The following RHOBTB3 variants were observed in gnomAD, a reference collection of about 807,000 sequenced individuals.
RHOBTB3 encodes the protein Rho related BTB domain containing 3, also known as rho-related BTB domain-containing protein 3.
A neutral mutation model predicts 67.2 loss-of-function variants in RHOBTB3; 47 were observed. The observed-to-expected ratio is 0.70, with a 90% CI of 0.55 to 0.89. The LOEUF (loss-of-function observed/expected upper bound fraction) is 0.89. RHOBTB3 is among the 40% of genes least tolerant of loss of function. The pLI is 0.00. For missense variants in RHOBTB3, 631 were observed against 750.0 expected (o/e 0.84, Z 1.85); for synonymous variants, 273 against 274.2 (o/e 1.00, Z 0.04).
At chr5:95,782,018 A>G (rs1265422064) in intron 9 of RHOBTB3, 1 of 152,256 alleles carries the variant, frequency 6.6e-6, no homozygotes, top group Non-Finnish European at 1.5e-5. Flanking sequence ...CTCTCACTCA[A>G]GTAATTGAAG....
intron 1 of RHOBTB3, among the ~76,000 whole-genome samples, chr5:95,723,833 C>T (rs72783432): frequency 0.022 from 3,394 of 152,256 alleles, 58 homozygotes; most frequent in Non-Finnish European, 0.036. Context: ...CTCCAGAGCA[C>T]AGCCCAAAGC....
At position 95,752,291 on chromosome 5, in the gene RHOBTB3, A is replaced by G. The variant is rs1469049580; in HGVS notation, c.623A>G (p.Lys208Arg). Residue 208 changes from lysine (K) to arginine (R), a missense_variant, in exon 5 of 12, where the codon AAG becomes AGG. Coordinates refer to ENST00000379982, the MANE Select transcript of RHOBTB3 (RefSeq NM_014899.4). ...ALNQKTSEKM[K>R]KRKMSNSFHG... ...AATCAGAAGACAAGTGAAAAAATGA[A>G]GAAAAGAAAAATGAGCAACTCCTTT... is the stretch of plus-strand genomic sequence containing the variant. 6.2e-7 allele frequency: 1 copy of G among 1,606,328 alleles called. No individual in the cohort carries two copies. The highest frequency in any genetic ancestry group is 1.7e-5 in the Admixed American group (1 of 58,134).
intron 1 of RHOBTB3, among the ~76,000 whole-genome samples, chr5:95,723,200 C>CA (rs886779631): frequency 6.6e-6 from 1 of 151,970 alleles, no homozygotes; most frequent in Non-Finnish European, 1.5e-5. Context: ...AAAAAGATAG[C>CA]AAAAAAATAA....
chr5:95,756,006 G>T lies in RHOBTB3; in HGVS notation c.1048+245G>T, dbSNP rs1745234877. 11 of 442,832 alleles carry T rather than the reference G, an allele frequency of 2.5e-5. No individual in the cohort carries two copies. The South Asian group carries it at 4.2e-4, about 17-fold the overall frequency. 27.4% of individuals were successfully genotyped at this position (442,832 alleles called of 1,614,324 possible). A position where few individuals can be genotyped will look rare whatever the true frequency, so the allele number is the denominator to read the frequency against. ...TCATTTTATTGTGGTAAAATACATA[G>T]AACATAAATTTTACCATCTTAACCA... On this transcript the variant is annotated intron_variant, in intron 6 of 11. Coordinates refer to ENST00000379982, the MANE Select transcript of RHOBTB3 (RefSeq NM_014899.4).
intron 10 of RHOBTB3, among the ~76,000 whole-genome samples, chr5:95,788,306 A>G (rs1746279124): frequency 6.6e-6 from 1 of 152,242 alleles, no homozygotes; most frequent in Non-Finnish European, 1.5e-5. Flanking sequence ...ACATTTACAC[A>G]TTGAAACCCA....
intron 6 of RHOBTB3, among the ~76,000 whole-genome samples, chr5:95,759,313 T>A (rs919120062): frequency 1.4e-4 from 21 of 152,392 alleles, no homozygotes; most frequent in African/African-American, 4.8e-4. Context: ...ATCCAGATGC[T>A]GGTTAAGGAA....
chr5:95,793,798 A>C lies in RHOBTB3; in HGVS notation c.*624A>C. The C allele has an allele frequency of 6.5e-6, 2 of 307,560 alleles. No homozygotes were observed. The highest frequency in any genetic ancestry group is 2.7e-5 in the South Asian group (1 of 36,438). 19.1% of individuals were successfully genotyped at this position (307,560 alleles called of 1,614,324 possible). A position where few individuals can be genotyped will look rare whatever the true frequency, so the allele number is the denominator to read the frequency against. ...ATCTGAGTAGGCGGGGAACCTAGGC[A>C]GGGCTGGCTTTCTTAGCGTGTAACT... On this transcript the variant is annotated 3_prime_UTR_variant, in exon 12 of 12. Coordinates refer to ENST00000379982, the MANE Select transcript of RHOBTB3 (RefSeq NM_014899.4).
intron 8 of RHOBTB3, among the ~76,000 whole-genome samples, chr5:95,773,559 C>A (rs1023978529): frequency 8.5e-5 from 13 of 152,322 alleles, no homozygotes; most frequent in African/African-American, 3.1e-4. Flanking sequence ...AGTCACCTGA[C>A]ATTTCTTGTC....
intron 7 of RHOBTB3, among the ~76,000 whole-genome samples, chr5:95,766,759 G>C (rs996172834): frequency 7.9e-5 from 12 of 152,188 alleles, no homozygotes; most frequent in African/African-American, 2.9e-4. Context: ...CAGAGAGGCT[G>C]CTCCCGGAGC....
At chr5:95,728,408 T>C (rs922837489), upstream of RHOBTB3, among the ~76,000 whole-genome samples, 3 of 152,214 alleles carry the variant, frequency 2.0e-5, no homozygotes, top group African/African-American at 7.2e-5. Flanking sequence ...TCTAACCTCC[T>C]CTTCTTCCAA....
chr5:95,784,038 C>A, intron 10 of RHOBTB3, 75 bp downstream of exon 10: 1 of 1,195,192 alleles, frequency 8.4e-7, no homozygotes, highest in Non-Finnish European at 1.1e-6. Context: ...TAAAATTTAT[C>A]ATTTTTTAAC....
intron 2 of RHOBTB3, 64 bp downstream of exon 2, chr5:95,732,148 T>C (rs1236615290): frequency 6.9e-7 from 1 of 1,444,546 alleles, no homozygotes; most frequent in East Asian, 2.4e-5. Context: ...TTTTTCCCCC[T>C]CCCCCTTCTG....
intron 9 of RHOBTB3, among the ~76,000 whole-genome samples, chr5:95,780,935 A>G (rs547986601): frequency 1.3e-5 from 2 of 152,310 alleles, no homozygotes; most frequent in South Asian, 2.1e-4. Context: ...GACTTCTGCT[A>G]AAGTCAGAAA....
intron 2 of RHOBTB3, among the ~76,000 whole-genome samples, chr5:95,733,672 G>T (rs1203255170): frequency 6.6e-6 from 1 of 152,044 alleles, no homozygotes; most frequent in Non-Finnish European, 1.5e-5. Context: ...CCTATTTAAG[G>T]CACCAAGTTT....
chr5:95,760,252 G>A (rs1358176574), intron 6 of RHOBTB3, among the ~76,000 whole-genome samples: 1 of 152,194 alleles, frequency 6.6e-6, no homozygotes. Context: ...CCTAAGGAAC[G>A]AGGAGTAATG....
intron 8 of RHOBTB3, among the ~76,000 whole-genome samples, chr5:95,777,059 C>A (rs141782578): frequency 6.6e-6 from 1 of 152,282 alleles, no homozygotes; most frequent in Non-Finnish European, 1.5e-5. Context: ...CTCTACCACT[C>A]CCAATTTGTT....
chr5:95,763,340 T>C (rs901729439), intron 6 of RHOBTB3, among the ~76,000 whole-genome samples, 168 bp from the exon 7 acceptor site: 1 of 152,190 alleles, frequency 6.6e-6, no homozygotes, highest in African/African-American at 2.4e-5. Flanking sequence ...AACTGATCGT[T>C]TTGAAATGTG....
At chr5:95,776,930 G>A (rs1042124755) in intron 8 of RHOBTB3, among the ~76,000 whole-genome samples, 2 of 152,142 alleles carry the variant, frequency 1.3e-5, no homozygotes, top group African/African-American at 2.4e-5. Context: ...ACCCACGTTC[G>A]CAGTCAATCT....
At chr5:95,785,648 C>G (rs1746204417) in intron 10 of RHOBTB3, among the ~76,000 whole-genome samples, 1 of 151,962 alleles carries the variant, frequency 6.6e-6, no homozygotes, top group Non-Finnish European at 1.5e-5. Context: ...CGTTTACATT[C>G]ATCTCATGAT....
Sources: gnomAD v4.1 joint callset for allele counts (sites outside exome capture counted in the v4.1 genomes callset) on GRCh38, gnomAD v4.1.1 for gene constraint, MANE v1.5 for transcripts, NCBI Gene and HGNC (gene_info 2026-07-23, HGNC 2026-07-21) for gene names.